TNFRSF19: variants seen among roughly 807,000 people sequenced by gnomAD.
TNFRSF19 encodes TNF receptor superfamily member 19.
A neutral mutation model predicts 46.4 loss-of-function variants in TNFRSF19; 27 were observed. The ratio of observed to expected loss-of-function variants is 0.58; its 90% CI spans 0.43 to 0.80. The LOEUF (loss-of-function observed/expected upper bound fraction) is 0.80, where lower values mean the gene tolerates loss of function less well. TNFRSF19 is among the 30% of genes least tolerant of loss of function. The pLI, the probability that TNFRSF19 is intolerant of heterozygous loss-of-function variation, is 0.00. For synonymous variants in TNFRSF19, 204 were observed against 205.0 expected, an observed-to-expected ratio of 1.00 and a Z score of 0.04; for missense variants, 511 against 530.8, an observed-to-expected ratio of 0.96 and a Z score of 0.37.
chr13:23,575,281 A>G (rs1877881265), intron 1 of TNFRSF19, among the ~76,000 whole-genome samples: 1 of 152,368 alleles, frequency 6.6e-6, no homozygotes, highest in African/African-American at 2.4e-5. Flanking sequence ...TGCAACTTGT[A>G]ACAACTTTGC....
rs569088740 is a variant in TNFRSF19, at chr13:23,590,500, A to G, written c.69+248A>G. 1.3e-4 allele frequency among the ~76,000 whole-genome samples: 19 copies of G among 151,956 alleles called. No individual in the cohort carries two copies. The East Asian group carries it at 1.4e-3, about 11-fold the overall frequency. Reference sequence around the variant, plus strand: ...CAGGCACCCACCACCACTCCCAGCTAATTTTTGTATTTTTAGTAGAGATGG... The same window carrying G: ...CAGGCACCCACCACCACTCCCAGCTGATTTTTGTATTTTTAGTAGAGATGG... On this transcript the variant is annotated intron_variant, in intron 2 of 9. Transcript: ENST00000248484.
intron 3 of TNFRSF19, among the ~76,000 whole-genome samples, chr13:23,613,758 C>T (rs1256443281): frequency 1.3e-5 from 2 of 152,196 alleles, no homozygotes; most frequent in South Asian, 2.1e-4. Flanking sequence ...GAGGCTCTCT[C>T]CTATACTTCA....
intron 1 of TNFRSF19, among the ~76,000 whole-genome samples, chr13:23,578,550 G>C (rs1878130293): frequency 1.3e-5 from 2 of 152,214 alleles, no homozygotes; most frequent in South Asian, 2.1e-4. Flanking sequence ...AAGAAACAGG[G>C]ACTTGGGTCC....
At chr13:23,615,192 T>C (rs1211282818) in intron 3 of TNFRSF19, among the ~76,000 whole-genome samples, 1 of 152,182 alleles carries the variant, frequency 6.6e-6, no homozygotes, top group African/African-American at 2.4e-5. Context: ...GTGGAAATGA[T>C]TGTATGTGGG....
At chr13:23,646,202 G>A (rs1883320101) in intron 5 of TNFRSF19, among the ~76,000 whole-genome samples, 2 of 152,160 alleles carry the variant, frequency 1.3e-5, no homozygotes, top group South Asian at 4.1e-4. Flanking sequence ...TTCTGAAGCG[G>A]AAGGCAGAAC....
intron 1 of TNFRSF19, among the ~76,000 whole-genome samples, chr13:23,587,776 G>C (rs1011788458): frequency 6.6e-6 from 1 of 152,088 alleles, no homozygotes; most frequent in African/African-American, 2.4e-5. Flanking sequence ...CCATTATATG[G>C]GGATAAATGT....
At chr13:23,660,282 T>C (rs1884271886) in intron 6 of TNFRSF19, 83 bp from the exon 7 acceptor site, 1 of 1,388,386 alleles carries the variant, frequency 7.2e-7, no homozygotes, top group African/African-American at 1.5e-5. Context: ...TGATTTGTTC[T>C]TTAAAAATAC....
chr13:23,616,018 A>T lies in TNFRSF19; in HGVS notation c.332A>T (p.Asp111Val). The change falls in exon 4 of 10, where the codon GAT becomes GTT. Residue 111 changes from aspartate to valine, a missense_variant. Coordinates refer to ENST00000248484, the MANE Select transcript of TNFRSF19 (RefSeq NM_148957.4). ...AAGGCAAATTGTTCAGCCACCAGTG[A>T]TGCCATCTGCGGGGACTGCTTGCCA... is the stretch of plus-strand genomic sequence containing the variant. ...FQKANCSATS[D>V]AICGDCLPGF... is the part of the protein sequence containing the mutation. 6.2e-7 allele frequency: 1 copy of T among 1,611,226 alleles called. No homozygotes were observed. Among genetic ancestry groups the T allele is most frequent in the Non-Finnish European group, 8.5e-7 (1 of 1,177,760 alleles).
intron 4 of TNFRSF19, among the ~76,000 whole-genome samples, chr13:23,623,398 T>C (rs1022301921): frequency 6.6e-6 from 1 of 152,228 alleles, no homozygotes; most frequent in Non-Finnish European, 1.5e-5. Context: ...TGAATAGTGC[T>C]GCAGTGAATA....
intron 3 of TNFRSF19, among the ~76,000 whole-genome samples, chr13:23,598,580 A>G (rs557542714): frequency 9.8e-4 from 150 of 152,306 alleles, no homozygotes; most frequent in Non-Finnish European, 1.8e-3. Context: ...TATGTGTCTT[A>G]TTATTGATCT....
chr13:23,626,185 A>ATGTGTGTGTGTGTGTGTG (rs1306222494), intron 4 of TNFRSF19, among the ~76,000 whole-genome samples: 1 of 75,906 alleles, frequency 1.3e-5, no homozygotes, highest in African/African-American at 5.7e-5. Flanking sequence ...TTTCTTTAAA[A>ATGTGTGTGTGTGTGTGTG]TCTGTGTGTG....
intron 1 of TNFRSF19, among the ~76,000 whole-genome samples, chr13:23,586,009 G>T (rs1003297931): frequency 1.3e-5 from 2 of 151,966 alleles, no homozygotes; most frequent in East Asian, 1.9e-4. Flanking sequence ...GGTGGCTCAC[G>T]CCTGTAATCC....
At chr13:23,651,865 C>A (rs898782417) in intron 5 of TNFRSF19, among the ~76,000 whole-genome samples, 23 of 14,834 alleles carry the variant, frequency 1.6e-3, no homozygotes, top group East Asian at 7.5e-3. Context: ...TTTTTTTACT[C>A]TAAATGGTTG....
intron 5 of TNFRSF19, among the ~76,000 whole-genome samples, chr13:23,637,610 C>CT (rs1443096884): frequency 2.0e-5 from 3 of 152,222 alleles, no homozygotes; most frequent in Non-Finnish European, 4.4e-5. Context: ...TCCAGATTTT[C>CT]TTTTCAGTCT....
intron 3 of TNFRSF19, among the ~76,000 whole-genome samples, chr13:23,602,252 A>G (rs1566177141): frequency 6.6e-6 from 1 of 152,152 alleles, no homozygotes; most frequent in Admixed American, 6.5e-5. Context: ...TTCAAAGCAA[A>G]GACAGATGTC....
intron 1 of TNFRSF19, among the ~76,000 whole-genome samples, chr13:23,583,204 C>T (rs1025816183): frequency 2.0e-5 from 3 of 152,150 alleles, no homozygotes; most frequent in Non-Finnish European, 4.4e-5. Context: ...CAAATCTTCA[C>T]CAACAATGGT....
In TNFRSF19 at chr13:23,634,072, C is replaced by T. The variant is rs183480236; in HGVS notation, c.445+7280C>T. 5.3e-3 allele frequency among the ~76,000 whole-genome samples: 802 copies of T among 152,326 alleles called. 6 individuals are homozygous for T. Among genetic ancestry groups the T allele is most frequent in the Non-Finnish European group, 7.6e-3 (516 of 68,020 alleles). ...AATTCTTTAAAAAGTTTCTTAAACA[C>T]ATGTGCCCTACATTGATTCTTGTCT... is the stretch of plus-strand genomic sequence containing the variant. On this transcript the variant is annotated intron_variant, in intron 5 of 9. Coordinates refer to ENST00000248484, the MANE Select transcript of TNFRSF19 (RefSeq NM_148957.4).
At chr13:23,614,769 A>ATATATATATATATATAT (rs59907466) in intron 3 of TNFRSF19, among the ~76,000 whole-genome samples, 55 of 147,074 alleles carry the variant, frequency 3.7e-4, no homozygotes, top group Middle Eastern at 3.5e-3. Context: ...ATATATATAT[A>ATATATATATATATATAT]GTACCTGGCA....
At chr13:23,636,619 G>GGAA (rs1226782430) in intron 5 of TNFRSF19, among the ~76,000 whole-genome samples, 2 of 152,326 alleles carry the variant, frequency 1.3e-5, no homozygotes, top group South Asian at 4.1e-4. Flanking sequence ...AGGTGCTGAG[G>GGAA]GAAGGTTTAT....
Sources: allele counts gnomAD v4.1 joint callset (sites outside exome capture counted in the v4.1 genomes callset), GRCh38; gene constraint gnomAD v4.1.1; transcripts MANE v1.5; gene names NCBI Gene and HGNC (gene_info 2026-07-23, HGNC 2026-07-21).